PLCL2: variants seen among roughly 807,000 people sequenced by gnomAD.
The protein encoded by PLCL2 is phospholipase C like 2.
In PLCL2, 4 loss-of-function variants were observed where a neutral mutation model predicts 79.6. That is an observed-to-expected ratio of 0.05 (90% CI 0.02 to 0.11). The LOEUF (loss-of-function observed/expected upper bound fraction) is 0.11. Among genes scored for constraint, PLCL2 ranks in the 10% least tolerant of loss-of-function variants. PLCL2 has a pLI of 1.00. For missense variants in PLCL2, 895 were observed against 1,291.0 expected (o/e 0.69, Z 4.70); for synonymous variants, 484 against 457.7 (o/e 1.06, Z -0.73).
At chr3:16,950,065 C>A (rs182063063) in intron 1 of PLCL2, among the ~76,000 whole-genome samples, 1 of 152,116 alleles carries the variant, frequency 6.6e-6, no homozygotes, top group Non-Finnish European at 1.5e-5. Flanking sequence ...CAAGGTTTTT[C>A]GATATCTGGT....
intron 4 of PLCL2, among the ~76,000 whole-genome samples, chr3:17,052,708 T>A (rs1338245967): frequency 6.6e-6 from 1 of 152,100 alleles, no homozygotes; most frequent in Non-Finnish European, 1.5e-5. Flanking sequence ...CAACCCCTTC[T>A]CTCCTTCCTT....
intron 1 of PLCL2, among the ~76,000 whole-genome samples, chr3:16,960,758 C>A (rs2063747368): frequency 6.6e-6 from 1 of 152,158 alleles, no homozygotes; most frequent in Non-Finnish European, 1.5e-5. Context: ...CCTCAGAAGC[C>A]TTTCCATATA....
chr3:17,052,461 C>G (rs867545741), intron 4 of PLCL2, among the ~76,000 whole-genome samples: 3 of 152,284 alleles, frequency 2.0e-5, no homozygotes, highest in Middle Eastern at 3.4e-3. Context: ...TTATTCAAGA[C>G]TGCTTATGAC....
chr3:16,978,277 G>A (rs2063946689), intron 1 of PLCL2, among the ~76,000 whole-genome samples: 2 of 152,154 alleles, frequency 1.3e-5, no homozygotes, highest in Non-Finnish European at 2.9e-5. Flanking sequence ...AAAATTAATC[G>A]AAGATTTAAA....
intron 1 of PLCL2, among the ~76,000 whole-genome samples, chr3:16,910,715 T>A (rs1431614576): frequency 6.6e-6 from 1 of 152,130 alleles, no homozygotes; most frequent in Non-Finnish European, 1.5e-5. Flanking sequence ...ATTTTTCCAC[T>A]ATATCCTACT....
intron 3 of PLCL2, among the ~76,000 whole-genome samples, chr3:17,024,545 C>G (rs1434230790): frequency 1.3e-5 from 2 of 152,140 alleles, no homozygotes; most frequent in Non-Finnish European, 2.9e-5. Context: ...ATAGTATTGT[C>G]TCTACATTCA....
Position 17,054,699 on chromosome 3 carries a change from A to G in PLCL2, c.3094+11750A>G, listed in dbSNP as rs568167304. ...ATGAGAATGCTACCCCCATGATCCA[A>G]TTACCTCCCACCAGGACCCACCTCC... On this transcript the variant is annotated intron_variant, in intron 4 of 5. Coordinates refer to ENST00000615277, the MANE Select transcript of PLCL2 (RefSeq NM_001144382.2). Among the ~76,000 whole-genome samples, 19 of 152,182 alleles carry G rather than the reference A, an allele frequency of 1.2e-4. 1 individual carries two copies. Among genetic ancestry groups the G allele is most frequent in the East Asian group, 1.2e-3 (6 of 5,182 alleles).
intron 3 of PLCL2, among the ~76,000 whole-genome samples, chr3:17,031,374 A>G (rs1460460128): frequency 3.9e-5 from 6 of 152,160 alleles, no homozygotes; most frequent in African/African-American, 1.2e-4. Flanking sequence ...ACCTGTTGAA[A>G]GTTCCTTCTA....
intron 3 of PLCL2, among the ~76,000 whole-genome samples, chr3:17,032,105 G>A (rs1361098919): frequency 1.3e-5 from 2 of 151,892 alleles, no homozygotes; most frequent in Admixed American, 6.6e-5. Flanking sequence ...AAAATTTGAG[G>A]TTTAGAAATT....
chr3:16,943,207 T>C (rs886769117), intron 1 of PLCL2, among the ~76,000 whole-genome samples: 8 of 152,224 alleles, frequency 5.3e-5, no homozygotes, highest in African/African-American at 1.9e-4. Context: ...ATAATATCCT[T>C]GTGCTTCTTG....
At chr3:16,914,523 G>GTT (rs565692534) in intron 1 of PLCL2, among the ~76,000 whole-genome samples, 1 of 143,982 alleles carries the variant, frequency 6.9e-6, no homozygotes, top group African/African-American at 2.5e-5. Context: ...AAATTTCCAG[G>GTT]TTTTTTTTTT....
rs1470956046 is a variant in PLCL2 at position 16,928,918 on chromosome 3, C to T, written c.327+43552C>T. Among the ~76,000 whole-genome samples, 5 of 151,306 alleles carry T rather than the reference C, an allele frequency of 3.3e-5. No homozygotes were observed. In the East Asian group the frequency reaches 5.8e-4, roughly 18 times the overall value. ...TGACCTTGGCAAAAATCCATTTCAGCGGAGGGACAGATGGTTTGAGAGTGA... is the reference window on the plus strand; with the variant it reads ...TGACCTTGGCAAAAATCCATTTCAGTGGAGGGACAGATGGTTTGAGAGTGA... On this transcript the variant is annotated intron_variant, in intron 1 of 5. Coordinates refer to ENST00000615277, the MANE Select transcript of PLCL2 (RefSeq NM_001144382.2).
intron 1 of PLCL2, among the ~76,000 whole-genome samples, chr3:16,902,373 A>C (rs566523961): frequency 6.6e-6 from 1 of 152,220 alleles, no homozygotes; most frequent in East Asian, 1.9e-4. Context: ...TATTAAAATT[A>C]AACAATTGCG....
chr3:17,029,873 C>A (rs909528637), intron 3 of PLCL2, among the ~76,000 whole-genome samples: 1 of 152,182 alleles, frequency 6.6e-6, no homozygotes, highest in African/African-American at 2.4e-5. Flanking sequence ...TCTCACCTGC[C>A]ACCATGAGCT....
chr3:17,014,638 CA>C, intron 2 of PLCL2, 69 bp from the exon 3 acceptor site: 4 of 1,197,768 alleles, frequency 3.3e-6, no homozygotes, highest in Non-Finnish European at 5.0e-6. Flanking sequence ...TCAGATATAT[CA>C]AATATAATAT....
intron 3 of PLCL2, among the ~76,000 whole-genome samples, chr3:17,024,943 T>C (rs2064498208): frequency 6.6e-6 from 1 of 152,162 alleles, no homozygotes; most frequent in Non-Finnish European, 1.5e-5. Flanking sequence ...TGGAGACTAG[T>C]GATAGAAACC....
intron 1 of PLCL2, among the ~76,000 whole-genome samples, chr3:16,994,282 TTTAGA>T (rs1443636037): frequency 4.6e-5 from 7 of 152,214 alleles, no homozygotes; most frequent in Non-Finnish European, 1.0e-4. Context: ...TTGCAAATGC[TTTAGA>T]TTAATCACTT....
chr3:16,902,223 G>A (rs77160680), intron 1 of PLCL2, among the ~76,000 whole-genome samples: 2,129 of 152,280 alleles, frequency 0.014, 55 homozygotes, highest in African/African-American at 0.049. Context: ...CTCCTTTATG[G>A]CCATTGAATC....
intron 1 of PLCL2, among the ~76,000 whole-genome samples, chr3:16,908,670 G>A (rs1029968351): frequency 1.3e-5 from 2 of 152,188 alleles, no homozygotes; most frequent in African/African-American, 2.4e-5. Flanking sequence ...TGAATGCACA[G>A]CACAGCATGT....
Sources: allele counts gnomAD v4.1 joint callset (sites outside exome capture counted in the v4.1 genomes callset), GRCh38; gene constraint gnomAD v4.1.1; transcripts MANE v1.5; gene names NCBI Gene and HGNC (gene_info 2026-07-23, HGNC 2026-07-21).